The following CFAP70 variants were observed in gnomAD, a reference collection of about 807,000 sequenced individuals.
The protein encoded by CFAP70 is cilia- and flagella-associated protein 70.
In CFAP70, 81 loss-of-function variants were observed where a neutral mutation model predicts 137.6. That is an observed-to-expected ratio of 0.59 (90% CI 0.49 to 0.71). CFAP70 has a LOEUF of 0.71. CFAP70 is among the 30% of genes least tolerant of loss of function. CFAP70 has a pLI of 0.00. For synonymous variants in CFAP70, 382 were observed against 423.6 expected (o/e 0.90, Z 1.20); for missense variants, 976 against 1,226.7 (o/e 0.80, Z 3.05).
At chr10:73,303,897 G>A (rs1399680870) in intron 12 of CFAP70, among the ~76,000 whole-genome samples, 1 of 152,100 alleles carries the variant, frequency 6.6e-6, no homozygotes, top group East Asian at 1.9e-4. Context: ...CTTCCTTTAT[G>A]ATTAAAATTA....
At chr10:73,268,548 G>C (rs1462392370) in intron 25 of CFAP70, among the ~76,000 whole-genome samples, 1 of 151,998 alleles carries the variant, frequency 6.6e-6, no homozygotes, top group Non-Finnish European at 1.5e-5. Context: ...CAATTTCTAA[G>C]AGAAGTATAT....
chr10:73,279,572 T>TAAATAAATAA (rs1564775265), intron 19 of CFAP70, among the ~76,000 whole-genome samples: 12 of 103,378 alleles, frequency 1.2e-4, no homozygotes, highest in East Asian at 5.0e-4. Context: ...TAAATAAATA[T>TAAATAAATAA]AAGAAGTTGG....
chr10:73,312,784 T>G (rs1434888605), intron 9 of CFAP70, 141 bp from the exon 11 acceptor site: 1 of 714,754 alleles, frequency 1.4e-6, no homozygotes, highest in East Asian at 2.8e-5. Flanking sequence ...TTGAAAGACT[T>G]CATTGTATTT....
At chr10:73,287,852 C>CATCTATCTATCTATCT (rs72556802) in intron 19 of CFAP70, among the ~76,000 whole-genome samples, 149 of 145,954 alleles carry the variant, frequency 1.0e-3, no homozygotes, top group Admixed American at 1.6e-3. Context: ...TGCATTTTAA[C>CATCTATCTATCTATCT]ATCTATCTAT....
intron 22 of CFAP70, chr10:73,274,927 T>C (rs1309453321): frequency 9.3e-6 from 2 of 214,450 alleles, no homozygotes; most frequent in Admixed American, 5.7e-5. Context: ...AAATAAACAC[T>C]ATCAGCTAAA....
intron 19 of CFAP70, among the ~76,000 whole-genome samples, chr10:73,281,755 A>G (rs2047272909): frequency 6.6e-6 from 1 of 152,222 alleles, no homozygotes; most frequent in Non-Finnish European, 1.5e-5. Flanking sequence ...GTGCCCATCA[A>G]TGGTGGTCTG....
chr10:73,343,364 G>A (rs912482829), intron 5 of CFAP70, among the ~76,000 whole-genome samples: 1 of 152,042 alleles, frequency 6.6e-6, no homozygotes, highest in Non-Finnish European at 1.5e-5. Flanking sequence ...AAGCAATCAT[G>A]GCCCCATGCT....
At chr10:73,312,390 G>T in intron 10 of CFAP70, 83 bp downstream of exon 11, 1 of 1,009,048 alleles carries the variant, frequency 9.9e-7, no homozygotes, top group South Asian at 1.8e-5. Flanking sequence ...AACTAACATT[G>T]ATACCAGTCA....
intron 19 of CFAP70, among the ~76,000 whole-genome samples, chr10:73,287,559 T>C (rs2047826280): frequency 6.6e-6 from 1 of 152,218 alleles, no homozygotes; most frequent in Admixed American, 6.5e-5. Flanking sequence ...ATAAACTTAT[T>C]TTATGCATGC....
intron 3 of CFAP70, among the ~76,000 whole-genome samples, chr10:73,350,227 T>C (rs1018946178): frequency 6.6e-6 from 1 of 152,242 alleles, no homozygotes; most frequent in African/African-American, 2.4e-5. Context: ...TCTCTTGTTT[T>C]ATTCCTCATA....
rs552666444 is a variant in CFAP70 at position 73,334,781 on chromosome 10, T to C, written c.677+649A>G. Reference sequence around the variant, plus strand: ...TTTTAGTAGAGACGGGGTTTCACCATGTTGGCCAGGATGGTCTCAATCTCT... The same window carrying C: ...TTTTAGTAGAGACGGGGTTTCACCACGTTGGCCAGGATGGTCTCAATCTCT... On this transcript the variant is annotated intron_variant, in intron 7 of 26. Coordinates refer to ENST00000310715, the Ensembl canonical transcript of CFAP70. Among the ~76,000 whole-genome samples the C allele has an allele frequency of 1.9e-3, 287 of 152,018 alleles. 2 individuals carry two copies. The highest frequency in any genetic ancestry group is 6.5e-3 in the African/African-American group (270 of 41,460).
intron 25 of CFAP70, among the ~76,000 whole-genome samples, chr10:73,267,345 A>C (rs542940468): frequency 1.9e-4 from 29 of 152,280 alleles, no homozygotes; most frequent in Non-Finnish European, 3.4e-4. Flanking sequence ...ATAGCCTTCT[A>C]TAGGCTAAAC....
At chr10:73,292,590 AAC>A (rs1288583910) in intron 16 of CFAP70, among the ~76,000 whole-genome samples, 19 of 152,174 alleles carry the variant, frequency 1.2e-4, no homozygotes, top group Admixed American at 1.2e-3. Flanking sequence ...CAAAAAGTTA[AAC>A]ACAGAATTAC....
upstream of CFAP70, chr10:73,358,810 G>C (rs2054879187): frequency 1.3e-5 from 2 of 152,316 alleles, no homozygotes; most frequent in Non-Finnish European, 2.9e-5. Flanking sequence ...TTTATTCCAA[G>C]ACTCGCGATA....
At chr10:73,337,085 ACT>A (rs766369378) in intron 6 of CFAP70, among the ~76,000 whole-genome samples, 2 of 152,112 alleles carry the variant, frequency 1.3e-5, no homozygotes, top group Admixed American at 6.5e-5. Flanking sequence ...GTAAGTATGT[ACT>A]CTTTACATTT....
At chr10:73,341,698 C>T (rs558240305) in intron 5 of CFAP70, 117 bp from the exon 7 acceptor site, 86 of 845,244 alleles carry the variant, frequency 1.0e-4, no homozygotes, top group East Asian at 9.6e-4. Flanking sequence ...TACCCCTCTA[C>T]GATTAATCTG....
intron 7 of CFAP70, 110 bp downstream of exon 8, chr10:73,335,320 T>C: frequency 3.1e-6 from 2 of 642,218 alleles, no homozygotes; most frequent in South Asian, 4.6e-5. Context: ...TGAGAAAGTC[T>C]CAATCTAAAA....
intron 19 of CFAP70, among the ~76,000 whole-genome samples, chr10:73,285,493 G>A (rs1313638312): frequency 6.6e-6 from 1 of 152,016 alleles, no homozygotes; most frequent in African/African-American, 2.4e-5. Flanking sequence ...TCCCACTGAG[G>A]GCAACCAGAA....
chr10:73,338,646 G>C (rs765166115), intron 6 of CFAP70, among the ~76,000 whole-genome samples: 10 of 147,888 alleles, frequency 6.8e-5, no homozygotes, highest in Middle Eastern at 4.0e-3. Context: ...GTCCAGGCTG[G>C]TCTCGAACTC....
Sources: allele counts gnomAD v4.1 joint callset (sites outside exome capture counted in the v4.1 genomes callset), GRCh38; gene constraint gnomAD v4.1.1; transcripts MANE v1.5; gene names NCBI Gene and HGNC (gene_info 2026-07-23, HGNC 2026-07-21).